The following NRXN1 variants were observed in gnomAD, a reference collection of about 807,000 sequenced individuals.
The protein encoded by NRXN1 is neurexin-1.
A neutral mutation model predicts 150.9 loss-of-function variants in NRXN1; 39 were observed. That is an observed-to-expected ratio of 0.26 (90% CI 0.20 to 0.34). The LOEUF (loss-of-function observed/expected upper bound fraction) is 0.34, where lower values mean the gene tolerates loss of function less well. Among genes scored for constraint, NRXN1 ranks in the 10% least tolerant of loss-of-function variants. The probability of loss-of-function intolerance (pLI) is 1.00; values close to 1 mark genes in which losing one functional copy is unlikely to be tolerated. For synonymous variants in NRXN1, 924 were observed against 757.0 expected (o/e 1.22, Z -3.62); for missense variants, 1,815 against 1,949.9 (o/e 0.93, Z 1.30).
chr2:50,542,920 A>T (rs925868666), intron 9 of NRXN1, among the ~76,000 whole-genome samples: 1 of 152,178 alleles, frequency 6.6e-6, no homozygotes, highest in African/African-American at 2.4e-5. Context: ...AAATTTAAAT[A>T]TTAAGGTTCC....
rs1402290871 is a variant in NRXN1, at chr2:50,495,912, G to A, written c.3063C>T (p.Asp1021=). The change falls in exon 15 of 23, where the codon GAC becomes GAT. Residue 1021 remains aspartate (D), a synonymous_variant. Transcript: ENST00000401669. ...GACTTAACATGCACTTACTCTTGAG[G>A]TCTAAGTTCCTGGCTCCGGCGGTGA... ...TQITAGARNL[D]LKSDLYIGGV... 1.9e-6 allele frequency: 3 copies of A among 1,600,006 alleles called. No homozygotes were observed. Among genetic ancestry groups the A allele is most frequent in the African/African-American group, 2.7e-5 (2 of 74,596 alleles).
intron 22 of NRXN1, among the ~76,000 whole-genome samples, chr2:49,934,033 T>C (rs1670587665): frequency 6.6e-6 from 1 of 152,222 alleles, no homozygotes. Flanking sequence ...TGTTTTTCTG[T>C]GAGACATTCT....
chr2:50,270,005 A>T (rs981940649), intron 17 of NRXN1, among the ~76,000 whole-genome samples: 13 of 152,188 alleles, frequency 8.5e-5, no homozygotes, highest in Admixed American at 4.6e-4. Flanking sequence ...TTATTAGATT[A>T]AATTAAAAAG....
chr2:50,542,867 G>A (rs1161442635), intron 9 of NRXN1, among the ~76,000 whole-genome samples: 2 of 152,172 alleles, frequency 1.3e-5, no homozygotes, highest in Admixed American at 6.5e-5. Flanking sequence ...CACAGAATCC[G>A]AATTAGTTTA....
chr2:50,619,835 A>G (rs1218511348), intron 8 of NRXN1, 187 bp downstream of exon 8: 8 of 458,680 alleles, frequency 1.7e-5, no homozygotes, highest in Non-Finnish European at 3.1e-5. Context: ...AGAGGAACCT[A>G]ATTCCTTCAT....
chr2:50,620,266 G>T, intron 7 of NRXN1, 83 bp from the exon 8 acceptor site: 11 of 1,419,408 alleles, frequency 7.7e-6, no homozygotes, highest in South Asian at 2.8e-5. Flanking sequence ...TTTGTGTTTT[G>T]CTTTTGTTTT....
At chr2:50,697,442 G>A (rs1349883359) in intron 5 of NRXN1, among the ~76,000 whole-genome samples, 1 of 152,182 alleles carries the variant, frequency 6.6e-6, no homozygotes, top group African/African-American at 2.4e-5. Context: ...TGACAAGTTA[G>A]AGAAATGGTC....
chr2:50,840,669 C>T (rs565395677), intron 5 of NRXN1, among the ~76,000 whole-genome samples: 6 of 152,062 alleles, frequency 3.9e-5, no homozygotes, highest in African/African-American at 7.2e-5. Flanking sequence ...AAAAGAGAAG[C>T]GACATGGACA....
At chr2:50,667,617 C>T (rs1161719639) in intron 5 of NRXN1, among the ~76,000 whole-genome samples, 3 of 151,876 alleles carry the variant, frequency 2.0e-5, no homozygotes, top group South Asian at 4.1e-4. Flanking sequence ...GAGTTTTCTC[C>T]TTATATCCAT....
intron 21 of NRXN1, among the ~76,000 whole-genome samples, chr2:49,967,456 A>T (rs1677154933): frequency 1.3e-5 from 2 of 152,086 alleles, no homozygotes; most frequent in African/African-American, 4.8e-5. Flanking sequence ...CCACAACCAA[A>T]ACAAGCAACC....
intron 17 of NRXN1, among the ~76,000 whole-genome samples, chr2:50,417,832 C>A (rs547440533): frequency 6.6e-6 from 1 of 151,522 alleles, no homozygotes; most frequent in African/African-American, 2.4e-5. Context: ...TCCAAGAAAC[C>A]GAAAAGTGCA....
rs997785569 is a variant in NRXN1, at chr2:50,021,466, G to T, written c.4128+31805C>A. Among the ~76,000 whole-genome samples the T allele has an allele frequency of 2.0e-5, 3 of 152,276 alleles. No individual in the cohort carries two copies. The South Asian group carries it at 6.2e-4, about 32-fold the overall frequency. ...CATATTGGAAATTATCTTGGACAAA[G>T]AGAATTTTGCATTTCTTTTGAATAT... is the stretch of plus-strand genomic sequence containing the variant. On this transcript the variant is annotated intron_variant, in intron 21 of 22. Transcript: ENST00000401669.
chr2:50,121,815 G>C (rs1018397461), intron 18 of NRXN1, among the ~76,000 whole-genome samples: 1 of 152,132 alleles, frequency 6.6e-6, no homozygotes, highest in Admixed American at 6.6e-5. Context: ...TGTACTTACA[G>C]CAAATCTAAA....
chr2:50,117,350 T>G (rs922690270), intron 18 of NRXN1, among the ~76,000 whole-genome samples: 2 of 152,082 alleles, frequency 1.3e-5, no homozygotes, highest in Non-Finnish European at 2.9e-5. Flanking sequence ...GAAGATTATT[T>G]AACCCAGAGA....
intron 8 of NRXN1, among the ~76,000 whole-genome samples, chr2:50,573,710 G>A (rs7598511): frequency 2.6e-5 from 4 of 150,948 alleles, no homozygotes; most frequent in Non-Finnish European, 5.9e-5. Flanking sequence ...TGCGCTTATA[G>A]ATTCTGCCAA....
intron 9 of NRXN1, among the ~76,000 whole-genome samples, chr2:50,544,914 C>T (rs1243727276): frequency 6.6e-6 from 1 of 152,112 alleles, no homozygotes; most frequent in Non-Finnish European, 1.5e-5. Context: ...TATGGTGTCA[C>T]TACAAAGAAT....
intron 2 of NRXN1, among the ~76,000 whole-genome samples, chr2:50,998,278 T>C (rs1699584941): frequency 7.1e-6 from 1 of 141,448 alleles, no homozygotes; most frequent in Non-Finnish European, 1.5e-5. Context: ...ATACAGAATA[T>C]AGTAATATCA....
intron 5 of NRXN1, among the ~76,000 whole-genome samples, chr2:50,673,477 A>G (rs1271656326): frequency 1.3e-5 from 2 of 152,082 alleles, no homozygotes; most frequent in African/African-American, 4.8e-5. Flanking sequence ...TAAAAACCCA[A>G]TGATTCCCCC....
At chr2:50,535,376 C>A (rs940060204) in intron 10 of NRXN1, among the ~76,000 whole-genome samples, 2 of 152,184 alleles carry the variant, frequency 1.3e-5, no homozygotes, top group African/African-American at 4.8e-5. Flanking sequence ...CTACATTATT[C>A]TTTGTTGCAG....
Sources: gnomAD v4.1 joint callset for allele counts (sites outside exome capture counted in the v4.1 genomes callset) on GRCh38, gnomAD v4.1.1 for gene constraint, MANE v1.5 for transcripts, NCBI Gene and HGNC (gene_info 2026-07-23, HGNC 2026-07-21) for gene names.